Variants in SNRPN observed in about 807,000 individuals in gnomAD.
The protein encoded by SNRPN is small nuclear ribonucleoprotein-associated protein N.
Under a neutral mutation model 25.2 loss-of-function variants are expected in SNRPN, and 7 were observed. The ratio of observed to expected loss-of-function variants is 0.28; its 90% CI spans 0.16 to 0.52. SNRPN has a LOEUF of 0.52. Ranked by LOEUF, SNRPN falls within the 20% of genes least tolerant of loss-of-function variation. The pLI is 0.96. For synonymous variants in SNRPN, 124 were observed against 110.6 expected (o/e 1.12, Z -0.76); for missense variants, 196 against 322.5 (o/e 0.61, Z 3.00).
intron 3 of SNRPN, among the ~76,000 whole-genome samples, chr15:24,939,977 A>T (rs2061455536): frequency 6.6e-6 from 1 of 151,780 alleles, no homozygotes; most frequent in Non-Finnish European, 1.5e-5. Context: ...TTTATTAGAG[A>T]TGTGATTTCA....
intron 3 of SNRPN, chr15:24,942,143 G>C (rs529071185): frequency 6.6e-6 from 1 of 152,148 alleles, no homozygotes; most frequent in South Asian, 2.1e-4. Context: ...AAATATTCCT[G>C]CTGTTGGAAC....
intron 2 of SNRPN, among the ~76,000 whole-genome samples, chr15:24,891,572 G>A (rs949324436): frequency 6.6e-6 from 1 of 151,836 alleles, no homozygotes; most frequent in Non-Finnish European, 1.5e-5. Flanking sequence ...CAAGTAGCTG[G>A]GATTGTAGGC....
At chr15:24,878,894 A>G (rs1021619245) in intron 1 of SNRPN, among the ~76,000 whole-genome samples, 3 of 152,090 alleles carry the variant, frequency 2.0e-5, no homozygotes, top group Non-Finnish European at 4.4e-5. Flanking sequence ...TTCCACTAAT[A>G]TACCTTTAAT....
At chr15:24,903,025 G>A (rs888386671) in intron 2 of SNRPN, among the ~76,000 whole-genome samples, 15 of 152,082 alleles carry the variant, frequency 9.9e-5, no homozygotes, top group Admixed American at 2.6e-4. Context: ...TGATTGGTGC[G>A]TTTACAAACC....
At chr15:24,909,470 A>G in intron 2 of SNRPN, 2 of 1,579,280 alleles carry the variant, frequency 1.3e-6, no homozygotes, top group Non-Finnish European at 1.7e-6. Flanking sequence ...GCCTTCATAG[A>G]TCTTGTCCAT....
chr15:24,977,469 A>C (rs1381336579), intron 7 of SNRPN, among the ~76,000 whole-genome samples: 2 of 152,034 alleles, frequency 1.3e-5, no homozygotes, highest in South Asian at 2.1e-4. Flanking sequence ...TGAAAACCCT[A>C]TCTCTACTAA....
chr15:24,928,986 C>T (rs2152805687), intron 3 of SNRPN, among the ~76,000 whole-genome samples: 1 of 152,178 alleles, frequency 6.6e-6, no homozygotes, highest in Non-Finnish European at 1.5e-5. Flanking sequence ...TCTCTTGTCC[C>T]CACTATTAAA....
chr15:24,827,439 C>T (rs1233402719), intron 1 of SNRPN, among the ~76,000 whole-genome samples: 10 of 148,728 alleles, frequency 6.7e-5, no homozygotes, highest in African/African-American at 2.3e-4. Context: ...TGGGGTGAAC[C>T]TGGGAGGCAG....
intron 4 of SNRPN, chr15:24,975,019 C>G (rs560145139): frequency 2.1e-4 from 145 of 701,296 alleles, no homozygotes; most frequent in Middle Eastern, 1.4e-3. Context: ...ATTAACAGTA[C>G]AGAGAAAAGC....
intron 2 of SNRPN, among the ~76,000 whole-genome samples, chr15:24,887,161 T>G (rs1237864766): frequency 6.6e-6 from 1 of 150,932 alleles, no homozygotes; most frequent in African/African-American, 2.4e-5. Flanking sequence ...TTTTTTTTTT[T>G]TTTTGAGACG....
chr15:24,834,326 A>G (rs1040748226), intron 2 of SNRPN, among the ~76,000 whole-genome samples: 2 of 152,112 alleles, frequency 1.3e-5, no homozygotes, highest in African/African-American at 4.8e-5. Context: ...GGGAGACAAG[A>G]TTAGAGAGAC....
Position 24,923,876 on chromosome 15 carries a change from CGTGTATGT to C in SNRPN, c.-391+3757_-391+3764del, listed in dbSNP as rs563296433. 4.0e-3 allele frequency among the ~76,000 whole-genome samples: 428 copies of C among 107,026 alleles called. 4 individuals are homozygous for C. Among genetic ancestry groups the C allele is most frequent in the African/African-American group, 0.015 (392 of 26,494 alleles). 70.2% of individuals were successfully genotyped at this position (107,026 alleles called of 152,430 possible). A position where few individuals can be genotyped will look rare whatever the true frequency, so the allele number is the denominator to read the frequency against. On this transcript the variant is annotated intron_variant, in intron 3 of 11. Transcript: ENST00000400097. ...TTTAGGATTTGTTTCTTTTTAGTGC[CGTGTATGT>C]GTGTGTGTGTGTGTGTGTGTGTGTG... is the stretch of plus-strand genomic sequence containing the variant.
chr15:24,939,040 AG>A (rs2061400696), intron 3 of SNRPN, among the ~76,000 whole-genome samples: 1 of 152,214 alleles, frequency 6.6e-6, no homozygotes, highest in Admixed American at 6.5e-5. Flanking sequence ...AATAAGATAT[AG>A]TTAATATAAT....
chr15:24,838,625 C>T (rs1288518902), intron 2 of SNRPN, among the ~76,000 whole-genome samples: 1 of 151,842 alleles, frequency 6.6e-6, no homozygotes, highest in Non-Finnish European at 1.5e-5. Flanking sequence ...CTGGTGTAGC[C>T]AGTTTGTCTG....
intron 2 of SNRPN, among the ~76,000 whole-genome samples, chr15:24,896,179 G>A (rs924660147): frequency 1.3e-5 from 2 of 152,184 alleles, no homozygotes; most frequent in African/African-American, 4.8e-5. Flanking sequence ...GGTCTGATGG[G>A]AGATATGATG....
At chr15:24,832,653 C>T (rs1479484468) in intron 2 of SNRPN, among the ~76,000 whole-genome samples, 4 of 152,094 alleles carry the variant, frequency 2.6e-5, no homozygotes, top group African/African-American at 4.8e-5. Flanking sequence ...TTTGTCTCTT[C>T]GCTCTTCACA....
At chr15:24,884,481 G>T (rs551066867) in intron 1 of SNRPN, among the ~76,000 whole-genome samples, 1 of 152,174 alleles carries the variant, frequency 6.6e-6, no homozygotes. Flanking sequence ...AATTCAGGAA[G>T]GCATGAAGTG....
upstream of SNRPN, among the ~76,000 whole-genome samples, chr15:24,950,656 T>C (rs1409582255): frequency 1.3e-5 from 2 of 148,314 alleles, no homozygotes; most frequent in Non-Finnish European, 3.0e-5. Context: ...CAAGTGATTC[T>C]CCTACCTCAG....
At position 24,976,329 on chromosome 15, in the gene SNRPN, G is replaced by A. The variant is rs1009740595; in HGVS notation, c.180G>A (p.Glu60=). The change falls in exon 6 of 10, where the codon GAG becomes GAA. Residue 60 remains glutamate, a synonymous_variant. Coordinates refer to ENST00000390687, the MANE Select transcript of SNRPN (RefSeq NM_003097.6). ...KIKPKNAKQP[E]REEKRVLGLV... is the part of the protein sequence containing the mutation. ...GGCCAAAGAATGCGAAGCAACCAGA[G>A]CGTGAAGAAAAGCGGGTTTTGGGTC... 6.2e-7 allele frequency: 1 copy of A among 1,613,698 alleles called. No homozygotes were observed. The highest frequency in any genetic ancestry group is 8.5e-7 in the Non-Finnish European group (1 of 1,179,938).
Sources: gnomAD v4.1 joint callset for allele counts (sites outside exome capture counted in the v4.1 genomes callset) on GRCh38, gnomAD v4.1.1 for gene constraint, MANE v1.5 for transcripts, NCBI Gene and HGNC (gene_info 2026-07-23, HGNC 2026-07-21) for gene names.